NARS2: variants seen among roughly 807,000 people sequenced by gnomAD.
NARS2 encodes asparaginyl-tRNA synthetase 2, mitochondrial, also known as asparaginyl-tRNA synthetase.
Under a neutral mutation model 62.9 loss-of-function variants are expected in NARS2, and 60 were observed. The ratio of observed to expected loss-of-function variants is 0.95; its 90% confidence interval spans 0.77 to 1.18. NARS2 has a LOEUF of 1.18. NARS2 is among the 50% of genes most tolerant of loss of function. The probability of loss-of-function intolerance (pLI) is 0.00; values close to 1 mark genes in which losing one functional copy is unlikely to be tolerated. For synonymous variants in NARS2, 196 were observed against 200.0 expected, an observed-to-expected ratio of 0.98 and a Z score of 0.17; for missense variants, 619 against 576.4, an observed-to-expected ratio of 1.07 and a Z score of -0.76.
chr11:78,532,240 A>C (rs7942883), intron 5 of NARS2, among the ~76,000 whole-genome samples: 9,297 of 152,238 alleles, frequency 0.061, 909 homozygotes, highest in African/African-American at 0.21. Context: ...CAAAAGCTCC[A>C]AATTGCCAAC....
At chr11:78,548,449 T>C (rs1158398193) in intron 5 of NARS2, among the ~76,000 whole-genome samples, 7 of 152,194 alleles carry the variant, frequency 4.6e-5, no homozygotes, top group Non-Finnish European at 1.0e-4. Context: ...GTCATAAAAA[T>C]GTATAAGCAC....
In NARS2 at chr11:78,559,537, ACT is replaced by A; in HGVS notation, c.594_594+1del. The A allele has an allele frequency of 6.3e-7, 1 of 1,594,400 alleles. No individual in the cohort carries two copies. Among genetic ancestry groups the A allele is most frequent in the Non-Finnish European group, 8.6e-7 (1 of 1,162,498 alleles). ...CCCCTCAAGATGGGAAGCAAAACTT[ACT>A]TCAAGTTGAAAAAGTTCTCCAGCTC... On this transcript the variant is annotated splice_donor_variant and coding_sequence_variant, in exon 5 of 14. Transcript: ENST00000281038. LOFTEE classifies it high-confidence loss of function.
intron 4 of NARS2, among the ~76,000 whole-genome samples, chr11:78,564,680 CA>C: frequency 6.6e-6 from 1 of 152,238 alleles, no homozygotes; most frequent in South Asian, 2.1e-4. Flanking sequence ...GGTTAAAAAA[CA>C]AAAAGGTATT....
chr11:78,444,967 G>T (rs1857707734), intron 11 of NARS2, among the ~76,000 whole-genome samples: 1 of 152,042 alleles, frequency 6.6e-6, no homozygotes, highest in African/African-American at 2.4e-5. Flanking sequence ...AATCAGAGAT[G>T]CAAAAAAAGA....
chr11:78,559,517 C>T, intron 5 of NARS2, 22 bp downstream of exon 5: 1 of 1,528,020 alleles, frequency 6.5e-7, no homozygotes, highest in Non-Finnish European at 9.1e-7. Context: ...ATGTACCCCT[C>T]AAGATGGGAA....
intron 5 of NARS2, among the ~76,000 whole-genome samples, chr11:78,542,344 T>C (rs967773640): frequency 6.6e-6 from 1 of 152,240 alleles, no homozygotes; most frequent in African/African-American, 2.4e-5. Context: ...GCCTTATTTT[T>C]CTTTTACAGG....
intron 11 of NARS2, among the ~76,000 whole-genome samples, chr11:78,448,593 G>C (rs1046381994): frequency 6.6e-6 from 1 of 152,120 alleles, no homozygotes; most frequent in Non-Finnish European, 1.5e-5. Context: ...TTACAGATGT[G>C]AACCACTGTG....
At chr11:78,437,108 G>A (rs1170678210) in intron 13 of NARS2, among the ~76,000 whole-genome samples, 1 of 152,130 alleles carries the variant, frequency 6.6e-6, no homozygotes, top group South Asian at 2.1e-4. Context: ...GCCTCAGGAG[G>A]CTACAGAAAA....
At chr11:78,499,935 G>A (rs548904256) in intron 6 of NARS2, among the ~76,000 whole-genome samples, 72 of 152,212 alleles carry the variant, frequency 4.7e-4, no homozygotes, top group African/African-American at 1.6e-3. Flanking sequence ...GCACTTACTC[G>A]TGTCGAAATT....
chr11:78,471,211 G>A (rs1468035810), intron 9 of NARS2, among the ~76,000 whole-genome samples: 1 of 152,170 alleles, frequency 6.6e-6, no homozygotes, highest in Non-Finnish European at 1.5e-5. Flanking sequence ...CAGAAGGGAA[G>A]CAGAAGGTTA....
At chr11:78,462,017 A>G (rs773862430) in intron 11 of NARS2, among the ~76,000 whole-genome samples, 3 of 152,212 alleles carry the variant, frequency 2.0e-5, no homozygotes, top group Non-Finnish European at 4.4e-5. Flanking sequence ...ACACAATGCT[A>G]TAGTTTCGCT....
At chr11:78,439,749 C>T (rs561073879) in intron 13 of NARS2, among the ~76,000 whole-genome samples, 1 of 152,138 alleles carries the variant, frequency 6.6e-6, no homozygotes, top group South Asian at 2.1e-4. Context: ...GTAACTTGCC[C>T]CTTCCTCTTC....
intron 7 of NARS2, among the ~76,000 whole-genome samples, chr11:78,486,404 T>C (rs1859576783): frequency 6.6e-6 from 1 of 151,978 alleles, no homozygotes; most frequent in Non-Finnish European, 1.5e-5. Flanking sequence ...CTCCAAGAAA[T>C]GTATATGTGA....
chr11:78,509,172 G>A (rs1191061883), intron 6 of NARS2, among the ~76,000 whole-genome samples: 1 of 149,246 alleles, frequency 6.7e-6, no homozygotes, highest in Non-Finnish European at 1.5e-5. Flanking sequence ...GAAGCTAGAA[G>A]ACAGTGGGCA....
At chr11:78,438,165 G>A (rs1857469294) in intron 13 of NARS2, among the ~76,000 whole-genome samples, 1 of 151,800 alleles carries the variant, frequency 6.6e-6, no homozygotes, top group Admixed American at 6.6e-5. Context: ...TACATATACT[G>A]GTATTGCAAG....
chr11:78,552,746 C>T (rs969639583), intron 5 of NARS2, among the ~76,000 whole-genome samples: 16 of 152,138 alleles, frequency 1.1e-4, no homozygotes, highest in East Asian at 5.8e-4. Context: ...GTTCATCTTA[C>T]GTATATGGAT....
chr11:78,567,356 G>C (rs1012685288), intron 3 of NARS2, among the ~76,000 whole-genome samples: 1 of 152,166 alleles, frequency 6.6e-6, no homozygotes, highest in Non-Finnish European at 1.5e-5. Flanking sequence ...GGATGGAGCA[G>C]GACGGCTCAA....
chr11:78,566,569 C>T (rs1221452056), intron 3 of NARS2, among the ~76,000 whole-genome samples: 2 of 152,146 alleles, frequency 1.3e-5, no homozygotes, highest in Non-Finnish European at 2.9e-5. Flanking sequence ...AGCTGTGAAC[C>T]ACTTCCTACA....
intron 5 of NARS2, chr11:78,533,185 T>C (rs1033069486): frequency 1.1e-4 from 16 of 152,204 alleles, no homozygotes; most frequent in African/African-American, 3.9e-4. Flanking sequence ...CGCTGAAGAC[T>C]GCAGAAGCCC....
Sources: allele counts gnomAD v4.1 joint callset (sites outside exome capture counted in the v4.1 genomes callset), GRCh38; gene constraint gnomAD v4.1.1; transcripts MANE v1.5; gene names NCBI Gene and HGNC (gene_info 2026-07-23, HGNC 2026-07-21).